The following NAALADL2 variants were observed in gnomAD, a reference collection of about 807,000 sequenced individuals.
NAALADL2 encodes the protein N-acetylated alpha-linked acidic dipeptidase like 2.
NAALADL2 carries 76 observed loss-of-function variants against 87.2 expected under a neutral mutation model. The observed-to-expected ratio is 0.87, with a 90% confidence interval of 0.72 to 1.05. NAALADL2 has a LOEUF of 1.05. NAALADL2 is among the 50% of genes least tolerant of loss of function. NAALADL2 has a pLI of 0.00. For synonymous variants in NAALADL2, 354 were observed against 331.0 expected (o/e 1.07, Z -0.75); for missense variants, 1,089 against 945.8 (o/e 1.15, Z -1.99).
intron 10 of NAALADL2, among the ~76,000 whole-genome samples, chr3:175,579,332 GAGGCCAATT>G (rs1719397936): frequency 6.6e-6 from 1 of 152,168 alleles, no homozygotes; most frequent in African/African-American, 2.4e-5. Flanking sequence ...TAGTGCAATA[GAGGCCAATT>G]TTTATGGACA....
At chr3:174,783,051 T>G (rs1365583133) in intron 3 of NAALADL2, among the ~76,000 whole-genome samples, 1 of 152,206 alleles carries the variant, frequency 6.6e-6, no homozygotes, top group African/African-American at 2.4e-5. Context: ...GCATCCATAT[T>G]CCATTTTCAT....
At chr3:175,254,759 T>A (rs908151922) in intron 3 of NAALADL2, among the ~76,000 whole-genome samples, 2 of 152,184 alleles carry the variant, frequency 1.3e-5, no homozygotes, top group Non-Finnish European at 2.9e-5. Flanking sequence ...AAATCATATA[T>A]CAACAGTTAT....
intron 1 of NAALADL2, among the ~76,000 whole-genome samples, chr3:174,450,082 T>A (rs934994353): frequency 2.0e-5 from 3 of 151,774 alleles, no homozygotes; most frequent in Admixed American, 6.6e-5. Context: ...TTATTTTGAG[T>A]TGAGTACATA....
At chr3:174,922,092 G>A (rs1272315280) in intron 1 of NAALADL2, among the ~76,000 whole-genome samples, 6 of 151,966 alleles carry the variant, frequency 3.9e-5, no homozygotes, top group Admixed American at 3.9e-4. Flanking sequence ...GATTGCTTAA[G>A]TCCAGGTGTT....
At chr3:174,621,996 C>T (rs1390026741) in intron 2 of NAALADL2, among the ~76,000 whole-genome samples, 1 of 152,092 alleles carries the variant, frequency 6.6e-6, no homozygotes, top group East Asian at 1.9e-4. Context: ...TAAGCTCTAG[C>T]CATCACACTC....
chr3:174,893,317 C>CCA (rs1560332884), intron 1 of NAALADL2, among the ~76,000 whole-genome samples: 1 of 143,064 alleles, frequency 7.0e-6, no homozygotes, highest in African/African-American at 2.6e-5. Flanking sequence ...TCAACCCCCC[C>CCA]CCGCAAAAAG....
intron 8 of NAALADL2, among the ~76,000 whole-genome samples, 154 bp from the exon 9 acceptor site, chr3:175,471,485 A>AAAAG (rs1180686622): frequency 8.8e-6 from 1 of 113,802 alleles, no homozygotes; most frequent in Non-Finnish European, 2.0e-5. Context: ...AAAAAAAAAA[A>AAAAG]AAAGAAAGAA....
chr3:175,473,290 C>T (rs920274075), intron 9 of NAALADL2, among the ~76,000 whole-genome samples: 3 of 151,990 alleles, frequency 2.0e-5, no homozygotes, highest in Admixed American at 1.3e-4. Flanking sequence ...ACGTACATGT[C>T]AACATGTACC....
chr3:174,531,314 A>G (rs1014337134), intron 1 of NAALADL2, among the ~76,000 whole-genome samples: 2 of 151,710 alleles, frequency 1.3e-5, no homozygotes, highest in African/African-American at 4.8e-5. Context: ...GGAGTCAAAA[A>G]TTGAGATCAG....
chr3:175,061,373 A>G (rs1713445672), intron 1 of NAALADL2, among the ~76,000 whole-genome samples: 1 of 151,478 alleles, frequency 6.6e-6, no homozygotes. Flanking sequence ...AAAGTATGAG[A>G]AAATAAATCT....
chr3:174,552,768 C>T (rs1331465242), intron 2 of NAALADL2, among the ~76,000 whole-genome samples: 1 of 121,386 alleles, frequency 8.2e-6, no homozygotes, highest in African/African-American at 3.3e-5. Flanking sequence ...TGAGCTCCAG[C>T]ATGGGCAGCA....
chr3:175,221,670 C>T (rs1219471320), intron 2 of NAALADL2, among the ~76,000 whole-genome samples: 2 of 152,046 alleles, frequency 1.3e-5, no homozygotes, highest in Admixed American at 6.6e-5. Flanking sequence ...TTTAATAACT[C>T]AACCACTACA....
chr3:174,486,997 CT>C (rs966166108), intron 1 of NAALADL2, among the ~76,000 whole-genome samples: 1 of 151,910 alleles, frequency 6.6e-6, no homozygotes, highest in South Asian at 2.1e-4. Flanking sequence ...TATCAGAGGC[CT>C]TTTTTGGTGT....
At chr3:175,480,422 C>A (rs1582066468) in intron 9 of NAALADL2, among the ~76,000 whole-genome samples, 1 of 151,810 alleles carries the variant, frequency 6.6e-6, no homozygotes, top group South Asian at 2.1e-4. Flanking sequence ...AATGGTAACT[C>A]CAGAAGGAGT....
intron 1 of NAALADL2, among the ~76,000 whole-genome samples, chr3:174,888,072 AT>A (rs1465608527): frequency 2.0e-5 from 3 of 152,198 alleles, no homozygotes; most frequent in Non-Finnish European, 4.4e-5. Flanking sequence ...TATTGACCTG[AT>A]TTCTAAATGA....
intron 2 of NAALADL2, among the ~76,000 whole-genome samples, chr3:174,687,915 C>A (rs1728195620): frequency 6.6e-6 from 1 of 152,062 alleles, no homozygotes; most frequent in Non-Finnish European, 1.5e-5. Context: ...ATAAGACGTG[C>A]CTTTGCTACT....
At chr3:174,858,619 A>T (rs1399673406), upstream of NAALADL2, among the ~76,000 whole-genome samples, 1 of 152,054 alleles carries the variant, frequency 6.6e-6, no homozygotes, top group Non-Finnish European at 1.5e-5. Context: ...ATGATCTGGG[A>T]CATCAATGCT....
At chr3:175,325,519 C>G (rs1760601092) in intron 5 of NAALADL2, among the ~76,000 whole-genome samples, 1 of 152,234 alleles carries the variant, frequency 6.6e-6, no homozygotes, top group Non-Finnish European at 1.5e-5. Flanking sequence ...AATACACTCA[C>G]TGTCCTGCAT....
intron 10 of NAALADL2, among the ~76,000 whole-genome samples, chr3:175,593,114 G>A (rs923624830): frequency 1.3e-5 from 2 of 151,926 alleles, no homozygotes; most frequent in African/African-American, 4.8e-5. Flanking sequence ...CCATCACCTA[G>A]GTATTAAGCT....
Sources: gnomAD v4.1 joint callset for allele counts (sites outside exome capture counted in the v4.1 genomes callset) on GRCh38, gnomAD v4.1.1 for gene constraint, MANE v1.5 for transcripts, NCBI Gene and HGNC (gene_info 2026-07-23, HGNC 2026-07-21) for gene names.